The following DLGAP2 variants were observed in gnomAD, a reference collection of about 807,000 sequenced individuals.
The protein encoded by DLGAP2 is disks large-associated protein 2.
In DLGAP2, 26 loss-of-function variants were observed where a neutral mutation model predicts 100.3. The ratio of observed to expected loss-of-function variants is 0.26; its 90% CI spans 0.19 to 0.36. The LOEUF (loss-of-function observed/expected upper bound fraction) is 0.36. Ranked by LOEUF, DLGAP2 falls within the 10% of genes least tolerant of loss-of-function variation. The probability of loss-of-function intolerance (pLI) is 1.00; values close to 1 mark genes in which losing one functional copy is unlikely to be tolerated. For synonymous variants in DLGAP2, 886 were observed against 630.1 expected (o/e 1.41, Z -6.08); for missense variants, 1,858 against 1,453.2 (o/e 1.28, Z -4.53).
chr8:1,535,880 C>T (rs962257904), intron 4 of DLGAP2, among the ~76,000 whole-genome samples: 1 of 152,158 alleles, frequency 6.6e-6, no homozygotes, highest in Non-Finnish European at 1.5e-5. Context: ...AGGGCATGGA[C>T]GGTGCTGTGG....
chr8:965,617 C>T (rs1285428287), intron 2 of DLGAP2, among the ~76,000 whole-genome samples: 6 of 139,514 alleles, frequency 4.3e-5, no homozygotes, highest in African/African-American at 1.4e-4. Flanking sequence ...AGTCTGGCCC[C>T]GCACTGCACA....
intron 3 of DLGAP2, among the ~76,000 whole-genome samples, chr8:1,329,484 T>C (rs1226715851): frequency 6.6e-6 from 1 of 152,234 alleles, no homozygotes; most frequent in African/African-American, 2.4e-5. Context: ...ATCTATCATT[T>C]CTTCCCAAGA....
intron 4 of DLGAP2, among the ~76,000 whole-genome samples, chr8:1,520,044 A>C (rs927707050): frequency 2.6e-5 from 4 of 152,162 alleles, no homozygotes; most frequent in Admixed American, 1.3e-4. Flanking sequence ...CATGTGAAGG[A>C]GGGGCCTTCT....
chr8:920,995 C>CAG (rs1798701754), intron 2 of DLGAP2, among the ~76,000 whole-genome samples: 1 of 152,086 alleles, frequency 6.6e-6, no homozygotes, highest in African/African-American at 2.4e-5. Context: ...CTCTTGGAAA[C>CAG]CTTCCACCTG....
At chr8:1,598,449 C>T (rs1796526121) in intron 6 of DLGAP2, among the ~76,000 whole-genome samples, 1 of 152,174 alleles carries the variant, frequency 6.6e-6, no homozygotes, top group African/African-American at 2.4e-5. Flanking sequence ...GTACCAGCTC[C>T]TCTTTGTACC....
At chr8:1,267,556 C>T (rs1440615092) in intron 3 of DLGAP2, among the ~76,000 whole-genome samples, 1 of 64,884 alleles carries the variant, frequency 1.5e-5, no homozygotes, top group Non-Finnish European at 2.8e-5. Flanking sequence ...AAAATTCCCG[C>T]TCAAAATAAA....
intron 2 of DLGAP2, among the ~76,000 whole-genome samples, chr8:1,090,048 AC>A (rs897622072): frequency 2.8e-5 from 4 of 141,122 alleles, no homozygotes; most frequent in African/African-American, 1.1e-4. Context: ...GGAAACTCAT[AC>A]CCCGAGGACC....
chr8:1,058,923 T>C (rs1402504660), intron 2 of DLGAP2, among the ~76,000 whole-genome samples: 8 of 152,176 alleles, frequency 5.3e-5, no homozygotes, highest in Admixed American at 3.9e-4. Flanking sequence ...TCATCAAAAC[T>C]GGTGTTAGAA....
At chr8:1,181,752 C>A (rs1797393033) in intron 2 of DLGAP2, among the ~76,000 whole-genome samples, 1 of 152,090 alleles carries the variant, frequency 6.6e-6, no homozygotes, top group South Asian at 2.1e-4. Flanking sequence ...AAAAGCAGCC[C>A]CGTGCTCCCC....
At position 943,542 on chromosome 8, in the gene DLGAP2, C is replaced by A. The variant is rs536377824; in HGVS notation, c.73+35576C>A. Among the ~76,000 whole-genome samples, 3 of 151,054 alleles carry A rather than the reference C, an allele frequency of 2.0e-5. No individual in the cohort carries two copies. In the East Asian group the frequency reaches 5.9e-4, roughly 30 times the overall value. On this transcript the variant is annotated intron_variant, in intron 2 of 14. Coordinates refer to ENST00000637795, the MANE Select transcript of DLGAP2 (RefSeq NM_001346810.2). ...GTACAAGATCATGTGGAGGAGGTGGCGTGTGGACGTCGTGATGTGGCCATC... is the reference window on the plus strand; with the variant it reads ...GTACAAGATCATGTGGAGGAGGTGGAGTGTGGACGTCGTGATGTGGCCATC...
At chr8:1,495,543 C>T (rs1799520370) in intron 3 of DLGAP2, among the ~76,000 whole-genome samples, 1 of 152,168 alleles carries the variant, frequency 6.6e-6, no homozygotes, top group South Asian at 2.1e-4. Flanking sequence ...GCTGGCCCGG[C>T]GAGGTCGGTG....
chr8:1,303,214 G>T (rs368123430), intron 3 of DLGAP2, among the ~76,000 whole-genome samples: 42 of 152,128 alleles, frequency 2.8e-4, no homozygotes, highest in African/African-American at 9.4e-4. Flanking sequence ...TGGCTAACAC[G>T]GTGAAACCCC....
intron 4 of DLGAP2, among the ~76,000 whole-genome samples, chr8:1,514,844 C>G (rs546731467): frequency 1.5e-4 from 23 of 152,302 alleles, no homozygotes; most frequent in African/African-American, 5.5e-4. Context: ...CAGCGTGATG[C>G]CACCCAGAGT....
intron 2 of DLGAP2, among the ~76,000 whole-genome samples, chr8:1,085,131 A>C (rs1272382995): frequency 6.6e-6 from 1 of 152,244 alleles, no homozygotes; most frequent in Non-Finnish European, 1.5e-5. Flanking sequence ...GAGCTTTCCT[A>C]CATGTGCCTG....
At chr8:1,164,356 G>A (rs369710407) in intron 2 of DLGAP2, among the ~76,000 whole-genome samples, 926 of 100,964 alleles carry the variant, frequency 9.2e-3, no homozygotes, top group African/African-American at 0.037. Flanking sequence ...AGGGCCCGTC[G>A]TTTTGGTTTG....
chr8:1,160,549 C>G (rs577866492), intron 2 of DLGAP2, among the ~76,000 whole-genome samples: 66 of 152,298 alleles, frequency 4.3e-4, no homozygotes, highest in African/African-American at 1.6e-3. Context: ...CTTTGGATGC[C>G]TTTATCTTAC....
intron 12 of DLGAP2, among the ~76,000 whole-genome samples, chr8:1,681,061 A>G (rs1798931669): frequency 6.6e-6 from 1 of 152,158 alleles, no homozygotes; most frequent in Non-Finnish European, 1.5e-5. Context: ...TTTAGGAGAG[A>G]GGAAAAAATT....
chr8:1,390,615 C>G (rs1424175143), intron 3 of DLGAP2, among the ~76,000 whole-genome samples: 4 of 152,138 alleles, frequency 2.6e-5, no homozygotes, highest in Non-Finnish European at 4.4e-5. Context: ...GAGGACTGGA[C>G]TTCTGCCCTT....
intron 1 of DLGAP2, among the ~76,000 whole-genome samples, chr8:897,423 C>G (rs193136707): frequency 4.8e-4 from 73 of 152,322 alleles, no homozygotes; most frequent in African/African-American, 1.6e-3. Flanking sequence ...ATGAATTTCA[C>G]GGTCATTTTA....
Sources: allele counts gnomAD v4.1 joint callset (sites outside exome capture counted in the v4.1 genomes callset), GRCh38; gene constraint gnomAD v4.1.1; transcripts MANE v1.5; gene names NCBI Gene and HGNC (gene_info 2026-07-23, HGNC 2026-07-21).